Variants in CNTN5 observed in about 807,000 individuals in gnomAD.
CNTN5 encodes contactin 5.
Under a neutral mutation model 129.1 loss-of-function variants are expected in CNTN5, and 77 were observed. That is an observed-to-expected ratio of 0.60 (90% CI 0.50 to 0.72). The LOEUF (loss-of-function observed/expected upper bound fraction) is 0.72, where lower values mean the gene tolerates loss of function less well. Among genes scored for constraint, CNTN5 ranks in the 30% least tolerant of loss-of-function variants. The probability of loss-of-function intolerance (pLI) is 0.00; values close to 1 mark genes in which losing one functional copy is unlikely to be tolerated. For synonymous variants in CNTN5, 509 were observed against 465.6 expected (o/e 1.09, Z -1.20); for missense variants, 1,478 against 1,328.8 (o/e 1.11, Z -1.75).
chr11:99,335,524 G>C (rs1438394925), intron 2 of CNTN5, among the ~76,000 whole-genome samples: 1 of 151,880 alleles, frequency 6.6e-6, no homozygotes, highest in Non-Finnish European at 1.5e-5. Context: ...TGAGAGGGTA[G>C]GGAAAACAAG....
At chr11:100,197,880 C>T (rs1948686129) in intron 15 of CNTN5, among the ~76,000 whole-genome samples, 1 of 151,846 alleles carries the variant, frequency 6.6e-6, no homozygotes. Context: ...ACCAAATAGG[C>T]AACTGAGCCA....
intron 2 of CNTN5, among the ~76,000 whole-genome samples, chr11:99,430,604 C>T (rs934644986): frequency 6.6e-6 from 1 of 151,502 alleles, no homozygotes; most frequent in Non-Finnish European, 1.5e-5. Context: ...TATATACAGA[C>T]ACACACATAT....
intron 3 of CNTN5, among the ~76,000 whole-genome samples, chr11:99,809,408 A>T (rs1946366087): frequency 6.6e-6 from 1 of 152,140 alleles, no homozygotes; most frequent in South Asian, 2.1e-4. Context: ...TATACTTTTT[A>T]AAAATTTCCA....
chr11:99,106,231 A>T (rs1866987715), intron 1 of CNTN5, among the ~76,000 whole-genome samples: 2 of 152,210 alleles, frequency 1.3e-5, no homozygotes, highest in East Asian at 3.9e-4. Context: ...ATACCCATAC[A>T]ACAAATGGGA....
At chr11:99,688,432 T>A (rs1953888777) in intron 3 of CNTN5, among the ~76,000 whole-genome samples, 1 of 152,124 alleles carries the variant, frequency 6.6e-6, no homozygotes. Flanking sequence ...ATTTTGAACA[T>A]GAATTATTTA....
chr11:99,963,584 G>A (rs932909378), intron 8 of CNTN5, among the ~76,000 whole-genome samples: 31 of 152,300 alleles, frequency 2.0e-4, no homozygotes, highest in Non-Finnish European at 3.7e-4. Context: ...TTTGAGGTCA[G>A]GTAGTGTGAT....
At chr11:99,533,665 C>T (rs1162697600) in intron 2 of CNTN5, among the ~76,000 whole-genome samples, 3 of 152,230 alleles carry the variant, frequency 2.0e-5, no homozygotes, top group Non-Finnish European at 4.4e-5. Context: ...AAAGATACCG[C>T]TGTTCACTGG....
At chr11:99,985,098 T>G (rs895114719) in intron 8 of CNTN5, among the ~76,000 whole-genome samples, 2 of 152,108 alleles carry the variant, frequency 1.3e-5, no homozygotes, top group African/African-American at 2.4e-5. Context: ...TGCAGTGTAT[T>G]ATCAGCTTAC....
chr11:99,043,721 C>G (rs1282534705), intron 1 of CNTN5, among the ~76,000 whole-genome samples: 1 of 151,990 alleles, frequency 6.6e-6, no homozygotes, highest in Non-Finnish European at 1.5e-5. Flanking sequence ...CTACTCATAC[C>G]ACTCTGACAC....
intron 2 of CNTN5, among the ~76,000 whole-genome samples, chr11:99,334,312 C>A (rs1866129112): frequency 6.6e-6 from 1 of 152,050 alleles, no homozygotes; most frequent in South Asian, 2.1e-4. Context: ...CCCATAGTAG[C>A]AGCTAAGGAA....
chr11:100,190,729 GTT>G (rs5794041), intron 13 of CNTN5, among the ~76,000 whole-genome samples: 247 of 103,066 alleles, frequency 2.4e-3, no homozygotes, highest in Non-Finnish European at 4.0e-3. Context: ...TTTTTATGCT[GTT>G]TTTTTTTTTT....
chr11:99,470,271 T>C (rs1368021093), intron 2 of CNTN5, among the ~76,000 whole-genome samples: 1 of 152,186 alleles, frequency 6.6e-6, no homozygotes, highest in Non-Finnish European at 1.5e-5. Flanking sequence ...GTCTGAGTCC[T>C]ACTCTCATAA....
chr11:99,040,462 T>C (rs1863942850), intron 1 of CNTN5, among the ~76,000 whole-genome samples: 1 of 152,164 alleles, frequency 6.6e-6, no homozygotes, highest in Admixed American at 6.5e-5. Flanking sequence ...TACTTGAGAA[T>C]ATTTGTTGCA....
intron 1 of CNTN5, among the ~76,000 whole-genome samples, chr11:99,128,217 A>G (rs889266181): frequency 6.6e-6 from 1 of 152,182 alleles, no homozygotes; most frequent in Non-Finnish European, 1.5e-5. Context: ...CCAGCACAGC[A>G]GCCTGGAGTC....
intron 1 of CNTN5, among the ~76,000 whole-genome samples, chr11:99,173,064 A>T (rs1287526737): frequency 6.6e-6 from 1 of 152,134 alleles, no homozygotes; most frequent in Non-Finnish European, 1.5e-5. Flanking sequence ...CATTTTTAAA[A>T]CCATCAGATC....
At chr11:100,255,107 C>A (rs1305905759) in intron 16 of CNTN5, among the ~76,000 whole-genome samples, 14 of 152,110 alleles carry the variant, frequency 9.2e-5, no homozygotes, top group Admixed American at 9.2e-4. Context: ...TTATTCACTA[C>A]CTCCCCACTC....
At chr11:99,883,817 C>T (rs1232902707) in intron 6 of CNTN5, among the ~76,000 whole-genome samples, 2 of 152,140 alleles carry the variant, frequency 1.3e-5, no homozygotes, top group Non-Finnish European at 2.9e-5. Flanking sequence ...ACAGCATGTC[C>T]ACACCCTTTT....
intron 1 of CNTN5, among the ~76,000 whole-genome samples, chr11:99,103,060 A>T (rs1230202042): frequency 1.3e-5 from 2 of 152,204 alleles, no homozygotes; most frequent in African/African-American, 2.4e-5. Flanking sequence ...GAACCAAGCG[A>T]AAGGGGTTTC....
chr11:100,182,862 G>T (rs1358687422), intron 13 of CNTN5, among the ~76,000 whole-genome samples: 1 of 151,786 alleles, frequency 6.6e-6, no homozygotes, highest in Non-Finnish European at 1.5e-5. Context: ...GTAGAAAATA[G>T]TTGCATGTTT....
Sources: allele counts gnomAD v4.1 joint callset (sites outside exome capture counted in the v4.1 genomes callset), GRCh38; gene constraint gnomAD v4.1.1; transcripts MANE v1.5; gene names NCBI Gene and HGNC (gene_info 2026-07-23, HGNC 2026-07-21).